Variants in SFSWAP observed in about 807,000 individuals in gnomAD.
SFSWAP encodes splicing factor, suppressor of white-apricot homolog.
A neutral mutation model predicts 100.7 loss-of-function variants in SFSWAP; 17 were observed. The observed-to-expected ratio is 0.17, with a 90% CI of 0.12 to 0.25. The LOEUF (loss-of-function observed/expected upper bound fraction) is 0.25. SFSWAP is among the 10% of genes least tolerant of loss of function. The pLI, the probability that SFSWAP is intolerant of heterozygous loss-of-function variation, is 1.00. For missense variants in SFSWAP, 1,005 were observed against 1,262.6 expected (o/e 0.80, Z 3.09); for synonymous variants, 504 against 510.1 (o/e 0.99, Z 0.16).
chr12:131,799,150 A>T (rs1363190816), intron 17 of SFSWAP, 41 bp downstream of exon 17: 14 of 1,486,342 alleles, frequency 9.4e-6, no homozygotes, highest in Non-Finnish European at 1.3e-5. Context: ...GCCTTTCATC[A>T]AGGGGCCTCG....
chr12:131,713,793 T>C (rs993470294), intron 1 of SFSWAP: 11 of 238,098 alleles, frequency 4.6e-5, no homozygotes, highest in African/African-American at 2.5e-4. Flanking sequence ...GTACCATTTT[T>C]GCTATTAATG....
rs181129798 is a variant in SFSWAP at position 131,744,041 on chromosome 12, G to A, written c.1082-9082G>A. Among the ~76,000 whole-genome samples, 13 of 152,308 alleles carry A rather than the reference G, an allele frequency of 8.5e-5. No individual in the cohort carries two copies. The East Asian group carries it at 2.1e-3, about 25-fold the overall frequency. ...GGTACCAAGTCCCTAGGCTGCACAC[G>A]GCACAGGGACCCTGGGCCCAGACCA... On this transcript the variant is annotated intron_variant, in intron 7 of 17. Transcript: ENST00000261674.
rs144556960 is a variant in SFSWAP at position 131,753,354 on chromosome 12, C to A, written c.1313C>A (p.Thr438Asn). ...ETSSGATSTT[T>N]TTSALAPVAA... ...AGCAGCGGGGCCACCTCCACAACCA[C>A]CACCACAAGGTAGGTGCAGCGTCCA... Residue 438 changes from threonine (T) to asparagine (N), a missense_variant, in exon 8 of 18, where the codon ACC becomes AAC. By Grantham distance (65) the Thr-to-Asn change is moderately conservative. Transcript: ENST00000261674. The A allele has an allele frequency of 6.2e-7, 1 of 1,613,078 alleles. No homozygotes were observed. The highest frequency in any genetic ancestry group is 1.1e-5 in the South Asian group (1 of 91,038).
rs1464330557 is a variant in SFSWAP, at chr12:131,794,333, C to T, written c.2535-2845C>T. Among the ~76,000 whole-genome samples the T allele has an allele frequency of 2.0e-5, 3 of 146,576 alleles. No homozygotes were observed. Among genetic ancestry groups the T allele is most frequent in the East Asian group, 4.0e-4 (2 of 5,012 alleles). ...GAGGATTGCTTGAGCCCAGGATTTG[C>T]AGGCTTTTTTTTTTTTTGGTAGAGA... On this transcript the variant is annotated intron_variant, in intron 15 of 17. Coordinates refer to ENST00000261674, the MANE Select transcript of SFSWAP (RefSeq NM_004592.4). This position sits in a 1 kb window ranked among gnomAD's most constrained non-coding sequence, Gnocchi z 4.8.
intron 15 of SFSWAP, among the ~76,000 whole-genome samples, chr12:131,788,188 A>C: frequency 6.6e-6 from 1 of 152,338 alleles, no homozygotes; most frequent in African/African-American, 2.4e-5. Flanking sequence ...CGTGTGAGCA[A>C]GTAGTGATTG....
At chr12:131,739,043 C>A (rs1336702120) in intron 7 of SFSWAP, among the ~76,000 whole-genome samples, 2 of 151,622 alleles carry the variant, frequency 1.3e-5, no homozygotes, top group Non-Finnish European at 2.9e-5. Flanking sequence ...CCACACCTGG[C>A]TGACTTTTTA....
chr12:131,798,358 C>T (rs577109673), intron 16 of SFSWAP, among the ~76,000 whole-genome samples: 6 of 152,088 alleles, frequency 3.9e-5, no homozygotes, highest in East Asian at 3.9e-4. Context: ...AGCATCGCTG[C>T]GGGGAGGGGG....
chr12:131,740,673 C>CT (rs1360683536), intron 7 of SFSWAP, among the ~76,000 whole-genome samples: 1 of 152,158 alleles, frequency 6.6e-6, no homozygotes, highest in Non-Finnish European at 1.5e-5. Flanking sequence ...CTGTCAGCGA[C>CT]TTTTTTCAGC....
At chr12:131,760,725 G>C (rs1485345579) in intron 11 of SFSWAP, among the ~76,000 whole-genome samples, 1 of 152,140 alleles carries the variant, frequency 6.6e-6, no homozygotes, top group Non-Finnish European at 1.5e-5. Flanking sequence ...ACTACTTATT[G>C]CTGTCTGTTT....
Position 131,786,221 on chromosome 12 carries a change from G to A in SFSWAP, c.2409-242G>A, listed in dbSNP as rs57554866. 7.2e-3 allele frequency among the ~76,000 whole-genome samples: 1,089 copies of A among 152,298 alleles called. 16 individuals carry two copies. Among genetic ancestry groups the A allele is most frequent in the African/African-American group, 0.024 (1,012 of 41,552 alleles). On this transcript the variant is annotated intron_variant, in intron 14 of 17. Coordinates refer to ENST00000261674, the MANE Select transcript of SFSWAP (RefSeq NM_004592.4). Reference sequence around the variant, plus strand: ...TTGGTTAAAAGTTTGTCCTTGGTGCGATAAGTGTGTGGAACGGGAGAGAGA... The same window carrying A: ...TTGGTTAAAAGTTTGTCCTTGGTGCAATAAGTGTGTGGAACGGGAGAGAGA...
chr12:131,782,802 T>A (rs1235119565), intron 14 of SFSWAP, among the ~76,000 whole-genome samples: 1 of 152,198 alleles, frequency 6.6e-6, no homozygotes, highest in Non-Finnish European at 1.5e-5. Flanking sequence ...AAATTAGTCA[T>A]GGAAGAATCT....
chr12:131,755,794 G>A (rs1882099576), intron 10 of SFSWAP, among the ~76,000 whole-genome samples: 1 of 152,198 alleles, frequency 6.6e-6, no homozygotes, highest in Non-Finnish European at 1.5e-5. Context: ...TTTCATGACA[G>A]CCGGGTACCT....
chr12:131,771,621 A>G (rs1326985266), intron 13 of SFSWAP, among the ~76,000 whole-genome samples: 3 of 149,980 alleles, frequency 2.0e-5, no homozygotes, highest in African/African-American at 7.3e-5. Flanking sequence ...TTTAATGGTA[A>G]GTAACACTGA....
rs189567953 is a variant in SFSWAP, at chr12:131,760,257, A to G, written c.1720+3613A>G. 2.4e-3 allele frequency among the ~76,000 whole-genome samples: 359 copies of G among 152,346 alleles called. 1 individual carries two copies. Among genetic ancestry groups the G allele is most frequent in the African/African-American group, 8.3e-3 (347 of 41,588 alleles). On this transcript the variant is annotated intron_variant, in intron 11 of 17. Coordinates refer to ENST00000261674, the MANE Select transcript of SFSWAP (RefSeq NM_004592.4). ...CTGAATAAAGTTAAAAGACAAATAC[A>G]GAAATGGCAGTAACTGCTAATACAT...
At position 131,738,885 on chromosome 12, in the gene SFSWAP, C is replaced by CTTTTTTTT. The variant is rs71072785; in HGVS notation, c.1081+10474_1081+10481dup. Among the ~76,000 whole-genome samples the CTTTTTTTT allele has an allele frequency of 1.2e-3, 57 of 48,744 alleles. 18 individuals are homozygous for CTTTTTTTT. The highest frequency in any genetic ancestry group is 8.2e-4 in the African/African-American group (14 of 17,132). The allele number at this position is 48,744 out of a possible 152,430, so 32.0% of individuals were successfully genotyped here. A position where few individuals can be genotyped will look rare whatever the true frequency, so the allele number is the denominator to read the frequency against. On this transcript the variant is annotated intron_variant, in intron 7 of 17. Transcript: ENST00000261674. ...TTCCAGTGCTGTAATGAACATTATTCTTTTTTTTTTTTTTTTTTTTTTTTG... is the reference window on the plus strand; with the variant it reads ...TTCCAGTGCTGTAATGAACATTATTCTTTTTTTTTTTTTTTTTTTTTTTTTTTTTTTTG...
intron 13 of SFSWAP, among the ~76,000 whole-genome samples, chr12:131,768,605 C>T (rs1232318470): frequency 1.3e-5 from 2 of 152,138 alleles, no homozygotes; most frequent in African/African-American, 2.4e-5. Flanking sequence ...GGGCTCCTGC[C>T]CTGAGTCCCG....
chr12:131,776,214 T>C (rs1884013092), intron 13 of SFSWAP, among the ~76,000 whole-genome samples: 1 of 152,176 alleles, frequency 6.6e-6, no homozygotes, highest in Non-Finnish European at 1.5e-5. Context: ...CACAGTAAAG[T>C]GGATTTTTTT....
chr12:131,715,771 T>G (rs904306662), intron 3 of SFSWAP, among the ~76,000 whole-genome samples: 1 of 152,244 alleles, frequency 6.6e-6, no homozygotes, highest in Non-Finnish European at 1.5e-5. Flanking sequence ...CAAATGGAGA[T>G]TTAATTGTAG....
At chr12:131,752,997 C>A in intron 7 of SFSWAP, 126 bp from the exon 8 acceptor site, 1 of 1,374,318 alleles carries the variant, frequency 7.3e-7, no homozygotes, top group Non-Finnish European at 1.0e-6. Context: ...TAGAAAACAG[C>A]ATGGTTGGAA....
Sources: allele counts gnomAD v4.1 joint callset (sites outside exome capture counted in the v4.1 genomes callset), GRCh38; gene constraint gnomAD v4.1.1; non-coding constraint Gnocchi (gnomAD v3.1); transcripts MANE v1.5; gene names NCBI Gene and HGNC (gene_info 2026-07-23, HGNC 2026-07-21).